Variants in SLC13A2 observed in about 807,000 individuals in gnomAD.
The protein encoded by SLC13A2 is Na(+)-coupled citrate transporter.
SLC13A2 carries 40 observed loss-of-function variants against 58.5 expected under a neutral mutation model. That is an observed-to-expected ratio of 0.68 (90% CI 0.53 to 0.89). The LOEUF (loss-of-function observed/expected upper bound fraction) is 0.89, where lower values mean the gene tolerates loss of function less well. Ranked by LOEUF, SLC13A2 falls within the 40% of genes least tolerant of loss-of-function variation. The pLI is 0.00. For missense variants in SLC13A2, 694 were observed against 772.6 expected (o/e 0.90, Z 1.21); for synonymous variants, 341 against 331.6 (o/e 1.03, Z -0.31).
intron 1 of SLC13A2, among the ~76,000 whole-genome samples, chr17:28,488,132 T>C (rs2068921339): frequency 1.3e-5 from 2 of 152,210 alleles, no homozygotes; most frequent in Non-Finnish European, 2.9e-5. Context: ...ACTAAGTTCC[T>C]AAGAGTTGCT....
rs1555603917 is a variant in SLC13A2 at position 28,493,550 on chromosome 17, GCC to G, written c.879-18_879-17del. 21 of 1,582,518 alleles carry G rather than the reference GCC, an allele frequency of 1.3e-5. No homozygotes were observed. The highest frequency in any genetic ancestry group is 1.8e-5 in the Non-Finnish European group (21 of 1,161,710). The stretch of plus-strand genomic sequence containing the variant: ...TGCTGGAGCAGGCCCCCCACGAGCT[GCC>G]CCGTCCCTCTGCCTGCAGCTTCCGG... On this transcript the variant is annotated intron_variant, in intron 6 of 11. Transcript: ENST00000314669.
At chr17:28,485,087 T>C (rs1332947362) in intron 1 of SLC13A2, among the ~76,000 whole-genome samples, 1 of 152,272 alleles carries the variant, frequency 6.6e-6, no homozygotes, top group Admixed American at 6.5e-5. Flanking sequence ...GGAGAGTAGC[T>C]GCTACAGTCA....
intron 1 of SLC13A2, among the ~76,000 whole-genome samples, chr17:28,477,002 A>C (rs1359922010): frequency 4.0e-5 from 6 of 151,424 alleles, no homozygotes; most frequent in African/African-American, 1.5e-4. Flanking sequence ...ATAAAAAAAA[A>C]CACAAAAATT....
rs2068871733 is a variant in SLC13A2, at chr17:28,485,892, G to A, written c.103-3322G>A. ...TGCCTGTAGTCCCAGCTATTTGGGA[G>A]TCTGAGGCAAGAGAATTGCCTGTGC... is the stretch of plus-strand genomic sequence containing the variant. On this transcript the variant is annotated intron_variant, in intron 1 of 11. Coordinates refer to ENST00000314669, the MANE Select transcript of SLC13A2 (RefSeq NM_003984.4). Among the ~76,000 whole-genome samples, 3 of 152,190 alleles carry A rather than the reference G, an allele frequency of 2.0e-5. No homozygotes were observed. The South Asian group carries it at 6.2e-4, about 32-fold the overall frequency.
chr17:28,484,242 G>C lies in SLC13A2; in HGVS notation c.103-4972G>C, dbSNP rs113931759. On this transcript the variant is annotated intron_variant, in intron 1 of 11. Coordinates refer to ENST00000314669, the MANE Select transcript of SLC13A2 (RefSeq NM_003984.4). ...ACTATGATGAGTGCTATGCAGAAGA[G>C]GTACAGGGACTTAGAGTGTGAAAAA... Among the ~76,000 whole-genome samples, 399 of 152,302 alleles carry C rather than the reference G, an allele frequency of 2.6e-3. 2 individuals are homozygous for C. Among genetic ancestry groups the C allele is most frequent in the African/African-American group, 9.0e-3 (374 of 41,556 alleles).
Position 28,489,148 on chromosome 17 carries a change from C to T in SLC13A2, c.103-66C>T, listed in dbSNP as rs143485155. On this transcript the variant is annotated intron_variant, in intron 1 of 11. Coordinates refer to ENST00000314669, the MANE Select transcript of SLC13A2 (RefSeq NM_003984.4). ...CAAATGGCCTGGTTTGTCTGACAGA[C>T]AGGAGGTGGCATAGCTCTGGGACAC... is the stretch of plus-strand genomic sequence containing the variant. The T allele has an allele frequency of 1.9e-6, 3 of 1,571,402 alleles. No homozygotes were observed. The African/African-American group carries it at 4.0e-5, about 21-fold the overall frequency.
chr17:28,476,218 C>T (rs2068667553), intron 1 of SLC13A2, among the ~76,000 whole-genome samples: 1 of 152,128 alleles, frequency 6.6e-6, no homozygotes, highest in Admixed American at 6.6e-5. Context: ...TGGAGTCACT[C>T]CCCGCCCTCG....
Position 28,490,809 on chromosome 17 carries a change from G to A in SLC13A2, c.477G>A (p.Leu159=), listed in dbSNP as rs1555603215. The stretch of plus-strand genomic sequence containing the variant: ...TCGCACATGCCGTCCTGGACCAGCT[G>A]CACAGCTCGCAAGCCAGCAGCAACG... ...VPIAHAVLDQ[L]HSSQASSNVE... is the part of the protein sequence containing the mutation. The change falls in exon 4 of 12, where the codon CTG becomes CTA. Residue 159 remains leucine, a synonymous_variant. Transcript: ENST00000314669. The A allele has an allele frequency of 6.2e-7, 1 of 1,613,872 alleles. No homozygotes were observed. The highest frequency in any genetic ancestry group is 2.2e-5 in the East Asian group (1 of 44,874).
In SLC13A2 at chr17:28,490,901, AG is replaced by A; in HGVS notation, c.570del (p.Lys190AsnfsTer32). 3.1e-6 allele frequency: 5 copies of A among 1,612,864 alleles called. No homozygotes were observed. The highest frequency in any genetic ancestry group is 3.4e-6 in the Non-Finnish European group (4 of 1,179,440). On this transcript the variant is annotated frameshift_variant, in exon 4 of 12. Transcript: ENST00000314669. LOFTEE classifies it high-confidence loss of function. ...CCAAGTCCCCAGAAGGAGGTGACCAAGCTTGGTGAGAAAAATGAGGCTAGAC... is the reference window on the plus strand; with the variant it reads ...CCAAGTCCCCAGAAGGAGGTGACCAACTTGGTGAGAAAAATGAGGCTAGAC... ...QEPSPQKEVT[K>X]LDNGQALPVT...
At position 28,494,571 on chromosome 17, in the gene SLC13A2, G is replaced by A; in HGVS notation, c.1308+59G>A. 1 of 1,607,480 alleles carries A rather than the reference G, an allele frequency of 6.2e-7. No homozygotes were observed. Among genetic ancestry groups the A allele is most frequent in the South Asian group, 1.1e-5 (1 of 90,146 alleles). On this transcript the variant is annotated intron_variant, in intron 9 of 11. Coordinates refer to ENST00000314669, the MANE Select transcript of SLC13A2 (RefSeq NM_003984.4). This position sits in a 1 kb window ranked among gnomAD's most constrained non-coding sequence, Gnocchi z 4.0. ...TGAGGGTGTCTCTGTGGCAGGGAGA[G>A]AGGGGGCCCTGCTTCTGTCCCACAG...
At chr17:28,493,536 G>T in intron 6 of SLC13A2, 35 bp from the exon 7 acceptor site, 1 of 1,545,188 alleles carries the variant, frequency 6.5e-7, no homozygotes. Context: ...GCTGGAGCAG[G>T]CCCCCCACGA....
At chr17:28,486,673 C>T (rs782817205) in intron 1 of SLC13A2, among the ~76,000 whole-genome samples, 6 of 152,134 alleles carry the variant, frequency 3.9e-5, no homozygotes, top group African/African-American at 4.8e-5. Flanking sequence ...CAGGTACTCT[C>T]GGGCACTCCC....
rs377237534 is a variant in SLC13A2 at position 28,490,626 on chromosome 17, G to A, written c.368+36G>A. The A allele has an allele frequency of 3.1e-6, 5 of 1,588,358 alleles. No individual in the cohort carries two copies. In the East Asian group the frequency reaches 6.7e-5, roughly 21 times the overall value. Reference sequence around the variant, plus strand: ...CCTGCAAACCAGCACGGGAGAACCTGACGAGGAGATATTCTGGGCACCCAG... The same window carrying A: ...CCTGCAAACCAGCACGGGAGAACCTAACGAGGAGATATTCTGGGCACCCAG... On this transcript the variant is annotated intron_variant, in intron 3 of 11. Coordinates refer to ENST00000314669, the MANE Select transcript of SLC13A2 (RefSeq NM_003984.4).
At chr17:28,486,782 C>T (rs1214705315) in intron 1 of SLC13A2, among the ~76,000 whole-genome samples, 5 of 145,804 alleles carry the variant, frequency 3.4e-5, no homozygotes, top group African/African-American at 1.0e-4. Flanking sequence ...CACATGGAGG[C>T]GAGTCTGACT....
chr17:28,494,505 G>A lies in SLC13A2; in HGVS notation c.1301G>A (p.Gly434Asp). 6.2e-7 allele frequency: 1 copy of A among 1,614,038 alleles called. No homozygotes were observed. The highest frequency in any genetic ancestry group is 1.1e-5 in the South Asian group (1 of 91,068). Residue 434 changes from glycine to aspartate, a missense_variant, in exon 9 of 12, where the codon GGC (glycine) becomes GAC (aspartate). Gly to Asp is a moderately conservative substitution (Grantham distance 94, BLOSUM62 -1). Coordinates refer to ENST00000314669, the MANE Select transcript of SLC13A2 (RefSeq NM_003984.4). This position sits in a 1 kb window ranked among gnomAD's most constrained non-coding sequence, Gnocchi z 4.0. ...LLGGGYALAK[G>D]SERSGLSEWL... ...GGTGGTGGCTATGCCCTGGCCAAGG[G>A]CAGTGAGGTGAGAGGCCCCCAGCCC...
At chr17:28,483,479 T>A (rs1005862776) in intron 1 of SLC13A2, among the ~76,000 whole-genome samples, 64 of 151,236 alleles carry the variant, frequency 4.2e-4, no homozygotes, top group Non-Finnish European at 8.1e-4. Context: ...AAAAAAAAAA[T>A]TGTTTTAATT....
intron 1 of SLC13A2, among the ~76,000 whole-genome samples, chr17:28,477,950 C>T (rs943136169): frequency 2.6e-5 from 4 of 152,022 alleles, no homozygotes; most frequent in East Asian, 1.9e-4. Flanking sequence ...CCCAGCTACT[C>T]GGGAGGCTGG....
chr17:28,482,267 G>T (rs781843833), intron 1 of SLC13A2, among the ~76,000 whole-genome samples: 1 of 151,976 alleles, frequency 6.6e-6, no homozygotes, highest in East Asian at 1.9e-4. Context: ...TGCCCAGGCT[G>T]GTTTGAACTC....
chr17:28,474,326 G>C (rs1172573120), intron 1 of SLC13A2, among the ~76,000 whole-genome samples: 5 of 152,096 alleles, frequency 3.3e-5, no homozygotes, highest in Non-Finnish European at 7.4e-5. Context: ...GTCTGTGGAG[G>C]AGGAGGGGTG....
Sources: allele counts gnomAD v4.1 joint callset (sites outside exome capture counted in the v4.1 genomes callset), GRCh38; gene constraint gnomAD v4.1.1; non-coding constraint Gnocchi (gnomAD v3.1); transcripts MANE v1.5; gene names NCBI Gene and HGNC (gene_info 2026-07-23, HGNC 2026-07-21).